CSMD1: variants seen among roughly 807,000 people sequenced by gnomAD.
CSMD1 encodes CUB and sushi domain-containing protein 1.
A neutral mutation model predicts 417.5 loss-of-function variants in CSMD1; 213 were observed. The observed-to-expected ratio is 0.51, with a 90% CI of 0.46 to 0.57. CSMD1 has a LOEUF of 0.57. CSMD1 is among the 20% of genes least tolerant of loss of function. The pLI, the probability that CSMD1 is intolerant of heterozygous loss-of-function variation, is 0.00. For missense variants in CSMD1, 6,923 were observed against 4,529.7 expected (o/e 1.53, Z -15.17); for synonymous variants, 2,862 against 1,736.8 (o/e 1.65, Z -16.11).
At chr8:4,096,374 G>C (rs771920958) in intron 3 of CSMD1, among the ~76,000 whole-genome samples, 2 of 151,980 alleles carry the variant, frequency 1.3e-5, no homozygotes, top group Non-Finnish European at 2.9e-5. Flanking sequence ...CCCAGACATG[G>C]CCTAGTGGAT....
intron 47 of CSMD1, among the ~76,000 whole-genome samples, chr8:3,092,314 C>G (rs1439762469): frequency 6.6e-6 from 1 of 151,844 alleles, no homozygotes; most frequent in African/African-American, 2.4e-5. Flanking sequence ...CAGATTATTA[C>G]TAAAAATATA....
chr8:3,348,272 G>T, intron 21 of CSMD1, 111 bp from the exon 22 acceptor site: 2 of 702,408 alleles, frequency 2.8e-6, no homozygotes, highest in Admixed American at 3.5e-5. Context: ...ACGTATGTGT[G>T]TTAGTAATAT....
intron 7 of CSMD1, among the ~76,000 whole-genome samples, chr8:3,669,109 A>C (rs1474468846): frequency 2.0e-5 from 3 of 152,234 alleles, no homozygotes; most frequent in Non-Finnish European, 4.4e-5. Flanking sequence ...TAACGTACAG[A>C]AAAATTAGTT....
intron 42 of CSMD1, 46 bp downstream of exon 42, chr8:3,118,353 T>A (rs1249828316): frequency 1.5e-6 from 2 of 1,297,872 alleles, no homozygotes; most frequent in Non-Finnish European, 1.1e-6. Context: ...TGTGCTATTA[T>A]GCCCATGAAA....
At chr8:3,885,102 T>C (rs148754381) in intron 5 of CSMD1, among the ~76,000 whole-genome samples, 63 of 152,166 alleles carry the variant, frequency 4.1e-4, no homozygotes, top group African/African-American at 1.4e-3. Flanking sequence ...TACATGCTTA[T>C]CAGATACATT....
chr8:4,076,150 G>C (rs758487702), intron 3 of CSMD1, among the ~76,000 whole-genome samples: 2 of 152,132 alleles, frequency 1.3e-5, no homozygotes, highest in Admixed American at 6.6e-5. Flanking sequence ...TGAATCATGC[G>C]TGTGGTTGCT....
At chr8:4,477,548 A>G (rs537277694) in intron 2 of CSMD1, among the ~76,000 whole-genome samples, 2 of 152,372 alleles carry the variant, frequency 1.3e-5, no homozygotes, top group South Asian at 4.1e-4. Flanking sequence ...TGACACACAC[A>G]GTTTAAATGT....
chr8:3,599,243 G>A (rs12676712), intron 8 of CSMD1, among the ~76,000 whole-genome samples: 15,623 of 151,704 alleles, frequency 0.1, 919 homozygotes, highest in East Asian at 0.17. Context: ...AATGATTACT[G>A]CAGTCAAGCA....
chr8:3,436,684 T>G (rs1028307055), intron 12 of CSMD1, among the ~76,000 whole-genome samples: 2 of 152,198 alleles, frequency 1.3e-5, no homozygotes, highest in Non-Finnish European at 2.9e-5. Context: ...TTGTTCTATA[T>G]ACGCGACACC....
chr8:3,754,278 C>T (rs1458154411), intron 5 of CSMD1, among the ~76,000 whole-genome samples: 6 of 152,226 alleles, frequency 3.9e-5, no homozygotes, highest in Non-Finnish European at 8.8e-5. Context: ...TTGATACTTT[C>T]ATTCTCCTTT....
At chr8:4,832,369 C>T (rs938834978) in intron 1 of CSMD1, among the ~76,000 whole-genome samples, 7 of 152,278 alleles carry the variant, frequency 4.6e-5, no homozygotes, top group Middle Eastern at 3.4e-3. Context: ...TGGCAATGAA[C>T]TTGACACATG....
chr8:4,925,800 G>C (rs1454325913), intron 1 of CSMD1, among the ~76,000 whole-genome samples: 1 of 152,066 alleles, frequency 6.6e-6, no homozygotes. Flanking sequence ...GCCCTCCTCG[G>C]CCTCCCAAAG....
At chr8:3,361,313 C>T (rs941692577) in intron 20 of CSMD1, among the ~76,000 whole-genome samples, 1 of 152,014 alleles carries the variant, frequency 6.6e-6, no homozygotes, top group Non-Finnish European at 1.5e-5. Context: ...TCAAGCCATA[C>T]ATTTCCTGTC....
intron 3 of CSMD1, among the ~76,000 whole-genome samples, chr8:4,376,561 G>T (rs1028747684): frequency 2.0e-5 from 3 of 151,830 alleles, no homozygotes; most frequent in Non-Finnish European, 4.4e-5. Context: ...TCATATATTT[G>T]CCTGTTTGTT....
chr8:4,970,962 T>A (rs1810202973), intron 1 of CSMD1, among the ~76,000 whole-genome samples: 1 of 152,124 alleles, frequency 6.6e-6, no homozygotes, highest in Admixed American at 6.6e-5. Flanking sequence ...TATCAGTGTG[T>A]TTACAGAAGA....
chr8:3,494,751 G>A (rs193112440), intron 10 of CSMD1, among the ~76,000 whole-genome samples: 19 of 152,206 alleles, frequency 1.2e-4, no homozygotes, highest in African/African-American at 4.1e-4. Context: ...AAAGGAAGGC[G>A]GAAGAGAGAA....
intron 4 of CSMD1, among the ~76,000 whole-genome samples, chr8:4,026,594 A>G (rs191879642): frequency 6.6e-6 from 1 of 152,262 alleles, no homozygotes; most frequent in African/African-American, 2.4e-5. Flanking sequence ...AACTAAGGAC[A>G]CTGCCACTCA....
At chr8:3,099,982 T>A (rs1283806628) in intron 46 of CSMD1, among the ~76,000 whole-genome samples, 1 of 152,188 alleles carries the variant, frequency 6.6e-6, no homozygotes, top group African/African-American at 2.4e-5. Context: ...CTTTTTTCAG[T>A]CATACATATT....
chr8:4,894,829 T>G (rs1804372649), intron 1 of CSMD1, among the ~76,000 whole-genome samples: 1 of 152,172 alleles, frequency 6.6e-6, no homozygotes, highest in African/African-American at 2.4e-5. Context: ...CTGTGCCAAT[T>G]TGCTTTTGAA....
Sources: gnomAD v4.1 joint callset for allele counts (sites outside exome capture counted in the v4.1 genomes callset) on GRCh38, gnomAD v4.1.1 for gene constraint, MANE v1.5 for transcripts, NCBI Gene and HGNC (gene_info 2026-07-23, HGNC 2026-07-21) for gene names.